The following COL15A1 variants were observed in gnomAD, a reference collection of about 807,000 sequenced individuals.
The protein encoded by COL15A1 is collagen alpha-1(XV) chain.
In COL15A1, 111 loss-of-function variants were observed where a neutral mutation model predicts 165.9. That is an observed-to-expected ratio of 0.67 (90% CI 0.57 to 0.78). The LOEUF (loss-of-function observed/expected upper bound fraction) is 0.78. COL15A1 is among the 30% of genes least tolerant of loss of function. The pLI is 0.00. For missense variants in COL15A1, 1,745 were observed against 1,789.7 expected (o/e 0.98, Z 0.45); for synonymous variants, 659 against 674.8 (o/e 0.98, Z 0.36).
intron 9 of COL15A1, among the ~76,000 whole-genome samples, chr9:99,009,802 A>C (rs1311073217): frequency 6.6e-6 from 1 of 152,236 alleles, no homozygotes; most frequent in Admixed American, 6.5e-5. Context: ...ATTTTTAAAC[A>C]ATCTATAAAA....
At chr9:98,985,237 A>T (rs1360818438) in intron 2 of COL15A1, among the ~76,000 whole-genome samples, 1 of 152,268 alleles carries the variant, frequency 6.6e-6, no homozygotes, top group East Asian at 1.9e-4. Context: ...ATTAATTACC[A>T]GCATGTTTTT....
Position 99,054,563 on chromosome 9 carries a change from T to A in COL15A1, c.2951-13T>A. ...TTTCCATTTTTTTTTAACATGTATG[T>A]GTTTGGTGGCAGGTGTTAAAGGAGA... On this transcript the variant is annotated splice_polypyrimidine_tract_variant and intron_variant, in intron 31 of 41. Coordinates refer to ENST00000375001, the MANE Select transcript of COL15A1 (RefSeq NM_001855.5). The A allele has an allele frequency of 6.3e-7, 1 of 1,597,104 alleles. No homozygotes were observed. Among genetic ancestry groups the A allele is most frequent in the Non-Finnish European group, 8.5e-7 (1 of 1,174,868 alleles).
At chr9:99,006,708 TTAATG>T (rs1838769134) in intron 9 of COL15A1, among the ~76,000 whole-genome samples, 1 of 152,198 alleles carries the variant, frequency 6.6e-6, no homozygotes, top group African/African-American at 2.4e-5. Flanking sequence ...TCCCCTTTCT[TTAATG>T]TCTAGGCACT....
intron 2 of COL15A1, among the ~76,000 whole-genome samples, chr9:98,980,714 A>G (rs1838224924): frequency 6.6e-6 from 1 of 152,252 alleles, no homozygotes; most frequent in Admixed American, 6.5e-5. Flanking sequence ...GGAGGGGTTA[A>G]TCGTTTTCAT....
At chr9:99,002,836 GT>G (rs1198606423) in intron 7 of COL15A1, among the ~76,000 whole-genome samples, 1 of 152,194 alleles carries the variant, frequency 6.6e-6, no homozygotes, top group Non-Finnish European at 1.5e-5. Context: ...TTAGCCTGGT[GT>G]TTTTTGTAAC....
intron 5 of COL15A1, among the ~76,000 whole-genome samples, chr9:98,991,914 A>G (rs978583182): frequency 1.7e-4 from 26 of 152,134 alleles, no homozygotes; most frequent in Admixed American, 1.7e-3. Flanking sequence ...TCCCCACTAG[A>G]TTAGCTAGAC....
intron 2 of COL15A1, among the ~76,000 whole-genome samples, chr9:98,980,186 G>A (rs1362624185): frequency 6.6e-6 from 1 of 151,290 alleles, no homozygotes; most frequent in Non-Finnish European, 1.5e-5. Flanking sequence ...GGGGACTTGA[G>A]AATATGTACA....
rs878947040 is a variant in COL15A1 at position 99,038,572 on chromosome 9, G to C, written c.2410-96G>C. The stretch of plus-strand genomic sequence containing the variant: ...GCGTTCTCAGTGTCTGCGGTGTTCC[G>C]CTATGCTGGGTGACTTTAATTAAAG... On this transcript the variant is annotated intron_variant, in intron 21 of 41. Coordinates refer to ENST00000375001, the MANE Select transcript of COL15A1 (RefSeq NM_001855.5). 5 of 784,450 alleles carry C rather than the reference G, an allele frequency of 6.4e-6. No individual in the cohort carries two copies. The Admixed American group carries it at 7.2e-5, about 11-fold the overall frequency. 48.6% of individuals were successfully genotyped at this position (784,450 alleles called of 1,614,324 possible).
At chr9:98,951,019 G>A (rs1837679466) in intron 2 of COL15A1, among the ~76,000 whole-genome samples, 1 of 152,152 alleles carries the variant, frequency 6.6e-6, no homozygotes. Flanking sequence ...GAGCAGCGCA[G>A]AACTTCCCTC....
At chr9:98,958,402 T>C (rs931774201) in intron 2 of COL15A1, among the ~76,000 whole-genome samples, 11 of 152,136 alleles carry the variant, frequency 7.2e-5, no homozygotes, top group East Asian at 1.9e-4. Context: ...CAAAGTGGGA[T>C]ACAAAACTGC....
At chr9:99,015,694 G>T in intron 10 of COL15A1, 128 bp downstream of exon 10, 1 of 890,398 alleles carries the variant, frequency 1.1e-6, no homozygotes. Context: ...TGGGTGGGCA[G>T]CTGCTGGAGG....
intron 2 of COL15A1, among the ~76,000 whole-genome samples, chr9:98,945,615 C>T (rs1414561240): frequency 6.6e-6 from 1 of 152,220 alleles, no homozygotes; most frequent in Non-Finnish European, 1.5e-5. Flanking sequence ...TCCTGGGCAA[C>T]AAGACCCAAA....
In COL15A1 at chr9:99,016,180, G is replaced by T. The variant is rs190270478; in HGVS notation, c.1647+61G>T. 1.5e-4 allele frequency: 220 copies of T among 1,515,260 alleles called. 3 individuals are homozygous for T. The highest frequency in any genetic ancestry group is 1.2e-3 in the East Asian group (51 of 43,490). The allele number at this position is 1,515,260 out of a possible 1,614,324, so 93.9% of individuals were successfully genotyped here. Reference sequence around the variant, plus strand: ...GACCTTACAGGGGAGAGAAAGAAAGGCCAGAGTTGTGGGAAGGGCTGGCCC... The same window carrying T: ...GACCTTACAGGGGAGAGAAAGAAAGTCCAGAGTTGTGGGAAGGGCTGGCCC... On this transcript the variant is annotated intron_variant, in intron 11 of 41. Coordinates refer to ENST00000375001, the MANE Select transcript of COL15A1 (RefSeq NM_001855.5).
Position 98,985,613 on chromosome 9 carries a change from C to G in COL15A1, c.149C>G (p.Pro50Arg). The G allele has an allele frequency of 1.2e-6, 2 of 1,614,234 alleles. No individual in the cohort carries two copies. Among genetic ancestry groups the G allele is most frequent in the Non-Finnish European group, 1.7e-6 (2 of 1,180,036 alleles). The stretch of plus-strand genomic sequence containing the variant: ...GACCTCACGCAGCTCATCGGTGTCC[C>G]GCTGCCCTCGTCCGTATCCTTTGTC... Reference protein sequence around the residue: ...HLDLTQLIGVPLPSSVSFVTG... With the variant: ...HLDLTQLIGVRLPSSVSFVTG... Residue 50 changes from proline (P) to arginine (R), a missense_variant, in exon 3 of 42, where the codon CCG (proline) becomes CGG (arginine). Transcript: ENST00000375001.
At chr9:98,988,304 C>A (rs1228193727) in intron 4 of COL15A1, among the ~76,000 whole-genome samples, 4 of 152,190 alleles carry the variant, frequency 2.6e-5, no homozygotes, top group Non-Finnish European at 5.9e-5. Context: ...TCATGTGATG[C>A]TGATCAGTGT....
At chr9:98,950,605 T>TCCCTCC (rs1837670607) in intron 2 of COL15A1, among the ~76,000 whole-genome samples, 3 of 131,724 alleles carry the variant, frequency 2.3e-5, no homozygotes, top group African/African-American at 5.6e-5. Flanking sequence ...CCTCCCTCCC[T>TCCCTCC]CTCTCTCTTC....
chr9:99,016,060 C>T lies in COL15A1; in HGVS notation c.1588C>T (p.Pro530Ser). 1.2e-6 allele frequency: 2 copies of T among 1,613,932 alleles called. No homozygotes were observed. Among genetic ancestry groups the T allele is most frequent in the African/African-American group, 2.7e-5 (2 of 75,044 alleles). ...TGGGGGTGAAGAGTCCGGCAGCCCT[C>T]CCCCTGATGGGCCACCGCTGCCCCT... ...TAGGEESGSP[P>S]PDGPPLPLPT... Residue 530 changes from proline (P) to serine (S), a missense_variant, in exon 11 of 42, where the codon CCC (proline) becomes TCC (serine). Physicochemically the swap from Pro to Ser is moderately conservative, Grantham distance 74. Transcript: ENST00000375001.
chr9:98,966,594 G>A (rs1837961774), intron 2 of COL15A1, among the ~76,000 whole-genome samples: 1 of 152,236 alleles, frequency 6.6e-6, no homozygotes. Context: ...ATGTTGCAGA[G>A]GGGAGGAAGA....
chr9:99,038,883 A>G (rs1839351976), intron 22 of COL15A1, 150 bp downstream of exon 22: 3 of 586,626 alleles, frequency 5.1e-6, no homozygotes, highest in Non-Finnish European at 9.2e-6. Flanking sequence ...CATTTTTTGA[A>G]AAGTTGCTTT....
Sources: allele counts gnomAD v4.1 joint callset (sites outside exome capture counted in the v4.1 genomes callset), GRCh38; gene constraint gnomAD v4.1.1; transcripts MANE v1.5; gene names NCBI Gene and HGNC (gene_info 2026-07-23, HGNC 2026-07-21).